ATP1A3: variants seen among roughly 807,000 people sequenced by gnomAD.
The protein encoded by ATP1A3 is sodium/potassium-transporting ATPase subunit alpha-3.
ATP1A3 carries 12 observed loss-of-function variants against 108.8 expected under a neutral mutation model. The observed-to-expected ratio is 0.11, with a 90% confidence interval of 0.07 to 0.18. The LOEUF (loss-of-function observed/expected upper bound fraction) is 0.18, where lower values mean the gene tolerates loss of function less well. Ranked by LOEUF, ATP1A3 falls within the 10% of genes least tolerant of loss-of-function variation. The pLI, the probability that ATP1A3 is intolerant of heterozygous loss-of-function variation, is 1.00. For synonymous variants in ATP1A3, 539 were observed against 564.5 expected, an observed-to-expected ratio of 0.95 and a Z score of 0.64; for missense variants, 498 against 1,387.7, an observed-to-expected ratio of 0.36 and a Z score of 10.19.
At position 41,977,789 on chromosome 19, in the gene ATP1A3, A is replaced by G. The variant is rs369739631; in HGVS notation, c.1943+147T>C. ...TGTGGCTGCAATGTCCCCACACCGG[A>G]GGGAGGGCCAGACCCAGGGCCTGGT... On this transcript the variant is annotated intron_variant, in intron 14 of 22. Transcript: ENST00000648268. 72 of 1,189,960 alleles carry G rather than the reference A, an allele frequency of 6.1e-5. 2 individuals are homozygous for G. The East Asian group carries it at 1.5e-3, about 24-fold the overall frequency. The allele number at this position is 1,189,960 out of a possible 1,614,324, so 73.7% of individuals were successfully genotyped here.
Position 41,988,300 on chromosome 19 carries a change from C to T in ATP1A3, c.153+18G>A. On this transcript the variant is annotated intron_variant, in intron 3 of 22. Coordinates refer to ENST00000648268, the MANE Select transcript of ATP1A3 (RefSeq NM_152296.5). The surrounding 1 kb of genome is among the most constrained non-coding windows in gnomAD (Gnocchi z 5.3). The stretch of plus-strand genomic sequence containing the variant: ...TCCTCCCTAGTTCCCAGGGTCCCAG[C>T]CCACAGCCTGGCCACACCTGCACAC... 6.2e-7 allele frequency: 1 copy of T among 1,614,020 alleles called. No homozygotes were observed. Among genetic ancestry groups the T allele is most frequent in the Admixed American group, 1.7e-5 (1 of 60,022 alleles).
Position 41,967,698 on chromosome 19 carries a change from G to T in ATP1A3, c.2885C>A (p.Pro962His), listed in dbSNP as rs145179304. 5.6e-6 allele frequency: 9 copies of T among 1,613,934 alleles called. No homozygotes were observed. The highest frequency in any genetic ancestry group is 7.6e-6 in the Non-Finnish European group (9 of 1,179,982). The change falls in exon 21 of 23, where the codon CCC (proline) becomes CAC (histidine). Residue 962 changes from proline to histidine, a missense_variant. Around this residue, in one of 9 missense-constraint regions of ATP1A3, gnomAD observed 121 missense variants for 425.1 expected, o/e 0.28. Coordinates refer to ENST00000648268, the MANE Select transcript of ATP1A3 (RefSeq NM_152296.5). This position sits in a 1 kb window ranked among gnomAD's most constrained non-coding sequence, Gnocchi z 4.2. ...TALAAFLSYC[P>H]GMDVALRMYP... ...CATGCGCAGGGCCACGTCCATGCCG[G>T]GGCAGTAGGACAGGAAGGCAGCCAG...
chr19:41,984,217 T>TTTTATTTATTTATTTATTTA (rs1403015201), intron 8 of ATP1A3: 7 of 152,094 alleles, frequency 4.6e-5, no homozygotes, highest in African/African-American at 1.7e-4. Context: ...TATTATTTTA[T>TTTTATTTATTTATTTATTTA]TTTATTTATT....
At chr19:41,970,626 CTTTTTTTT>C (rs1168002399) in intron 16 of ATP1A3, 84 bp from the exon 17 acceptor site, 23 of 771,260 alleles carry the variant, frequency 3.0e-5, no homozygotes, top group East Asian at 1.2e-4. Flanking sequence ...ATCCAACGTC[CTTTTTTTT>C]TTTTTTTTTT....
At position 41,988,472 on chromosome 19, in the gene ATP1A3, T is replaced by C. The variant is rs782545260; in HGVS notation, c.93+4A>G. 1 of 1,614,188 alleles carries C rather than the reference T, an allele frequency of 6.2e-7. No homozygotes were observed. The highest frequency in any genetic ancestry group is 8.5e-7 in the Non-Finnish European group (1 of 1,180,038). ...AGGGTGTGCGGGCAGAGGGCGAGGC[T>C]TACCATAGCCACCTCCTTCTTGAGG... is the stretch of plus-strand genomic sequence containing the variant. On this transcript the variant is annotated splice_donor_region_variant and intron_variant, in intron 2 of 22. Transcript: ENST00000648268. This position sits in a 1 kb window ranked among gnomAD's most constrained non-coding sequence, Gnocchi z 5.3.
chr19:41,983,766 A>ATTT (rs556483707), intron 8 of ATP1A3, among the ~76,000 whole-genome samples: 221 of 101,162 alleles, frequency 2.2e-3, no homozygotes, highest in African/African-American at 4.1e-3. Context: ...ATTTAAAAAA[A>ATTT]TTTTTTTTTT....
chr19:41,984,954 C>T lies in ATP1A3; in HGVS notation c.957G>A (p.Val319=). ...CCAGCAGACCCTCTGGGACATTGGC[C>T]ACGATGATGCCGATGAGGAAGATGA... ...EAVIFLIGII[V]ANVPEGLLAT... The change falls in exon 8 of 23, where the codon GTG becomes GTA. Residue 319 remains valine (V), a synonymous_variant. Coordinates refer to ENST00000648268, the MANE Select transcript of ATP1A3 (RefSeq NM_152296.5). The T allele has an allele frequency of 6.2e-7, 1 of 1,613,852 alleles. No homozygotes were observed. The highest frequency in any genetic ancestry group is 8.5e-7 in the Non-Finnish European group (1 of 1,179,916).
rs534745153 is a variant in ATP1A3 at position 41,983,569 on chromosome 19, T to A, written c.993+1349A>T. Among the ~76,000 whole-genome samples the A allele has an allele frequency of 9.2e-3, 1,345 of 146,884 alleles. 22 individuals carry two copies. Among genetic ancestry groups the A allele is most frequent in the African/African-American group, 0.03 (1,224 of 40,436 alleles). ...GCAAAGCAGCCAGAGAAAAAATTTT[T>A]AAAAATAATAATAATAATTATTATT... On this transcript the variant is annotated intron_variant, in intron 8 of 22. Coordinates refer to ENST00000648268, the MANE Select transcript of ATP1A3 (RefSeq NM_152296.5).
At chr19:41,993,212 A>C in intron 1 of ATP1A3, 2 of 259,110 alleles carry the variant, frequency 7.7e-6, no homozygotes, top group Admixed American at 3.8e-5. Context: ...ACACACAGGG[A>C]GGAATCCAGG....
At chr19:41,974,803 G>C (rs2075148396) in intron 16 of ATP1A3, among the ~76,000 whole-genome samples, 1 of 152,146 alleles carries the variant, frequency 6.6e-6, no homozygotes, top group Non-Finnish European at 1.5e-5. Context: ...GCCTTGTCTG[G>C]GCCTGTCAGG....
At position 41,981,512 on chromosome 19, in the gene ATP1A3, T is replaced by G; in HGVS notation, c.1427A>C (p.Asn476Thr). The G allele has an allele frequency of 6.2e-7, 1 of 1,614,214 alleles. No homozygotes were observed. Among genetic ancestry groups the G allele is most frequent in the Non-Finnish European group, 8.5e-7 (1 of 1,180,030 alleles). Residue 476 changes from asparagine (N) to threonine (T), a missense_variant, in exon 11 of 23, where the codon AAC becomes ACC. Coordinates refer to ENST00000648268, the MANE Select transcript of ATP1A3 (RefSeq NM_152296.5). The surrounding 1 kb of genome is among the most constrained non-coding windows in gnomAD (Gnocchi z 5.0). ...KVAEIPFNSTNKYQLSIHETE... is the reference protein window; with the variant it reads ...KVAEIPFNSTTKYQLSIHETE... ...GAAAGCCCAGAGTACCTGGTATTTG[T>G]TGGTGGAATTGAAGGGAATCTCAGC...
intron 1 of ATP1A3, among the ~76,000 whole-genome samples, chr19:41,989,480 G>A (rs886551430): frequency 6.6e-5 from 10 of 152,080 alleles, no homozygotes; most frequent in South Asian, 2.1e-4. Flanking sequence ...CACTACGCCC[G>A]GCTCATTTTT....
At position 41,967,008 on chromosome 19, in the gene ATP1A3, G is replaced by A; in HGVS notation, c.3014-43C>T. The A allele has an allele frequency of 6.4e-7, 1 of 1,551,612 alleles. No homozygotes were observed. The highest frequency in any genetic ancestry group is 8.7e-7 in the Non-Finnish European group (1 of 1,146,964). ...GAAAGAAAGAGACAGAGTAAGAGAT[G>A]GAGAGAGACAGGCAAGGCGAGCCGC... On this transcript the variant is annotated intron_variant, in intron 22 of 22. Coordinates refer to ENST00000648268, the MANE Select transcript of ATP1A3 (RefSeq NM_152296.5). This position sits in a 1 kb window ranked among gnomAD's most constrained non-coding sequence, Gnocchi z 4.2.
chr19:41,967,826 A>G lies in ATP1A3; in HGVS notation c.2820-63T>C. 1.4e-6 allele frequency: 2 copies of G among 1,471,136 alleles called. No homozygotes were observed. Among genetic ancestry groups the G allele is most frequent in the Non-Finnish European group, 1.9e-6 (2 of 1,059,656 alleles). 91.1% of individuals were successfully genotyped at this position (1,471,136 alleles called of 1,614,324 possible). ...ACCCACCCTGCACCTGCCACCCCGC[A>G]GAGACAGGGGGAGGCACAGTGCAGA... On this transcript the variant is annotated intron_variant, in intron 20 of 22. Coordinates refer to ENST00000648268, the MANE Select transcript of ATP1A3 (RefSeq NM_152296.5). This position sits in a 1 kb window ranked among gnomAD's most constrained non-coding sequence, Gnocchi z 4.2.
chr19:41,974,994 C>G (rs943609117), intron 16 of ATP1A3, among the ~76,000 whole-genome samples: 17 of 152,248 alleles, frequency 1.1e-4, no homozygotes, highest in Non-Finnish European at 5.9e-5. Flanking sequence ...GACCCCCAGC[C>G]CAGGCTGGCA....
chr19:41,991,491 G>C (rs1478444126), intron 1 of ATP1A3, among the ~76,000 whole-genome samples: 2 of 152,178 alleles, frequency 1.3e-5, no homozygotes, highest in East Asian at 3.9e-4. Flanking sequence ...TCTCAGCTTT[G>C]CCCGATGGGG....
rs375368831 is a variant in ATP1A3 at position 41,969,558 on chromosome 19, G to A, written c.2565C>T (p.Gly855=). The change falls in exon 19 of 23, where the codon GGC becomes GGT. Residue 855 remains glycine, a synonymous_variant. Transcript: ENST00000648268. ...CCAGGATCACAAAGTAAGAGAAGAA[G>A]CCACCGAGAGCCTGGATCATTCCTG... ...GQIGMIQALG[G]FFSYFVILAE... 7 of 1,612,536 alleles carry A rather than the reference G, an allele frequency of 4.3e-6. No homozygotes were observed. Among genetic ancestry groups the A allele is most frequent in the African/African-American group, 4.0e-5 (3 of 74,548 alleles).
chr19:41,977,915 T>C, intron 14 of ATP1A3, 21 bp downstream of exon 14: 1 of 1,613,758 alleles, frequency 6.2e-7, no homozygotes, highest in Non-Finnish European at 8.5e-7. Flanking sequence ...TCCAGGGCCC[T>C]GGCTGGGATG....
At chr19:41,993,878 G>A (rs1256577893) in intron 1 of ATP1A3, 193 bp downstream of exon 1, 1 of 1,019,066 alleles carries the variant, frequency 9.8e-7, no homozygotes, top group Non-Finnish European at 1.4e-6. Flanking sequence ...CCATGCCAAC[G>A]TGCGCCACAG....
Sources: gnomAD v4.1 joint callset for allele counts (sites outside exome capture counted in the v4.1 genomes callset) on GRCh38, gnomAD v4.1.1 for gene constraint, gnomAD v4.1.1 regional missense constraint, Gnocchi (gnomAD v3.1) non-coding constraint, MANE v1.5 for transcripts, NCBI Gene and HGNC (gene_info 2026-07-23, HGNC 2026-07-21) for gene names.